Variants in CLDND2 observed in about 807,000 individuals in gnomAD.
CLDND2 encodes claudin domain containing 2.
A neutral mutation model predicts 17.7 loss-of-function variants in CLDND2; 18 were observed. The ratio of observed to expected loss-of-function variants is 1.02; its 90% confidence interval spans 0.70 to 1.51. The LOEUF (loss-of-function observed/expected upper bound fraction) is 1.51. CLDND2 is among the 40% of genes most tolerant of loss of function. CLDND2 has a pLI of 0.00. For synonymous variants in CLDND2, 113 were observed against 93.0 expected (o/e 1.22, Z -1.24); for missense variants, 233 against 219.6 (o/e 1.06, Z -0.39).
Position 51,367,445 on chromosome 19 carries a change from T to G in CLDND2, c.430+12A>C. 1 of 1,592,810 alleles carries G rather than the reference T, an allele frequency of 6.3e-7. No individual in the cohort carries two copies. The highest frequency in any genetic ancestry group is 8.6e-7 in the Non-Finnish European group (1 of 1,168,386). On this transcript the variant is annotated intron_variant, in intron 3 of 3. Transcript: ENST00000291715. The surrounding 1 kb of genome is among the most constrained non-coding windows in gnomAD (Gnocchi z 7.4). ...GCAGTCTCCTCCACCCTCTTCCCGC[T>G]GTCCAGTTTACCCGCGAGAATTGAG...
Position 51,368,563 on chromosome 19 carries a change from C to T in CLDND2, c.15G>A (p.Arg5=). 1 of 1,613,190 alleles carries T rather than the reference C, an allele frequency of 6.2e-7. No homozygotes were observed. Among genetic ancestry groups the T allele is most frequent in the Non-Finnish European group, 8.5e-7 (1 of 1,179,716 alleles). The change falls in exon 1 of 4, where the codon CGG becomes CGA. Residue 5 remains arginine (R), a synonymous_variant. Coordinates refer to ENST00000291715, the MANE Select transcript of CLDND2 (RefSeq NM_152353.3). MGVK[R]SLQSGGILLS... is the part of the protein sequence containing the mutation. ...GCAGAATGCCCCCACTCTGGAGGCT[C>T]CGCTTCACCCCCATGCCACTGAGGC...
Position 51,367,396 on chromosome 19 carries a change from G to A in CLDND2, c.430+61C>T, listed in dbSNP as rs774402412. 26 of 1,508,816 alleles carry A rather than the reference G, an allele frequency of 1.7e-5. No homozygotes were observed. Among genetic ancestry groups the A allele is most frequent in the South Asian group, 3.5e-5 (3 of 85,238 alleles). 93.5% of individuals were successfully genotyped at this position (1,508,816 alleles called of 1,614,324 possible). On this transcript the variant is annotated intron_variant, in intron 3 of 3. Transcript: ENST00000291715. This position sits in a 1 kb window ranked among gnomAD's most constrained non-coding sequence, Gnocchi z 7.4. ...GGTTTCCTGGGAGGGCAGCTGGGGAGCCTCTGGGGTGAGGGTCTTCTGGGC... is the reference window on the plus strand; with the variant it reads ...GGTTTCCTGGGAGGGCAGCTGGGGAACCTCTGGGGTGAGGGTCTTCTGGGC...
In CLDND2 at chr19:51,367,610, G is replaced by C; in HGVS notation, c.311-34C>G. 1.3e-6 allele frequency: 2 copies of C among 1,597,688 alleles called. No homozygotes were observed. The highest frequency in any genetic ancestry group is 1.7e-6 in the Non-Finnish European group (2 of 1,171,690). Reference sequence around the variant, plus strand: ...CGCCCAGCCGCAAGATGAGCTAGCTGGGCCTGGTGGGGGCTGCACCCAGGC... The same window carrying C: ...CGCCCAGCCGCAAGATGAGCTAGCTCGGCCTGGTGGGGGCTGCACCCAGGC... On this transcript the variant is annotated intron_variant, in intron 2 of 3. Coordinates refer to ENST00000291715, the MANE Select transcript of CLDND2 (RefSeq NM_152353.3). The surrounding 1 kb of genome is among the most constrained non-coding windows in gnomAD (Gnocchi z 7.4).
In CLDND2 at chr19:51,368,600, G is replaced by T. The variant is rs748368381; in HGVS notation, c.-23C>A. On this transcript the variant is annotated 5_prime_UTR_variant, in exon 1 of 4. Transcript: ENST00000291715. The stretch of plus-strand genomic sequence containing the variant: ...CATGCCACTGAGGCTGCAGCCGGGG[G>T]CCACAAGGGCAGGATGGGCCCAGGC... The T allele has an allele frequency of 6.2e-7, 1 of 1,605,846 alleles. No individual in the cohort carries two copies. The highest frequency in any genetic ancestry group is 1.7e-5 in the Admixed American group (1 of 59,456).
Position 51,368,625 on chromosome 19 carries a change from C to T in CLDND2, c.-48G>A. The stretch of plus-strand genomic sequence containing the variant: ...GCCACAAGGGCAGGATGGGCCCAGG[C>T]CTTTCCTACCCCGAGGCCCCCAGCT... On this transcript the variant is annotated 5_prime_UTR_variant, in exon 1 of 4. Coordinates refer to ENST00000291715, the MANE Select transcript of CLDND2 (RefSeq NM_152353.3). 3 of 1,544,570 alleles carry T rather than the reference C, an allele frequency of 1.9e-6. No homozygotes were observed. The highest frequency in any genetic ancestry group is 2.6e-6 in the Non-Finnish European group (3 of 1,138,462).
In CLDND2 at chr19:51,367,661, C is replaced by T. The variant is rs1026210820; in HGVS notation, c.311-85G>A. On this transcript the variant is annotated intron_variant, in intron 2 of 3. Coordinates refer to ENST00000291715, the MANE Select transcript of CLDND2 (RefSeq NM_152353.3). This position sits in a 1 kb window ranked among gnomAD's most constrained non-coding sequence, Gnocchi z 7.4. ...CACGCCCCTTCAGACCCGCCCCCTT[C>T]TATCAGACCACGCCTATCGCCTCTC... 7.1e-5 allele frequency: 109 copies of T among 1,527,652 alleles called. No homozygotes were observed. The highest frequency in any genetic ancestry group is 8.7e-5 in the Non-Finnish European group (99 of 1,136,720). 94.6% of individuals were successfully genotyped at this position (1,527,652 alleles called of 1,614,324 possible).
At position 51,367,739 on chromosome 19, in the gene CLDND2, T is replaced by C. The variant is rs1986471423; in HGVS notation, c.310+147A>G. 1 of 1,475,448 alleles carries C rather than the reference T, an allele frequency of 6.8e-7. No homozygotes were observed. Among genetic ancestry groups the C allele is most frequent in the African/African-American group, 1.4e-5 (1 of 70,894 alleles). The allele number at this position is 1,475,448 out of a possible 1,614,324, so 91.4% of individuals were successfully genotyped here. A position where few individuals can be genotyped will look rare whatever the true frequency, so the allele number is the denominator to read the frequency against. On this transcript the variant is annotated intron_variant, in intron 2 of 3. Coordinates refer to ENST00000291715, the MANE Select transcript of CLDND2 (RefSeq NM_152353.3). The surrounding 1 kb of genome is among the most constrained non-coding windows in gnomAD (Gnocchi z 7.4). ...TGCTCCTCCCGCTCTGAACTCTGTC[T>C]CGAGCCCCGCCCACCTCTCTCGGCT...
At chr19:51,368,082 C>T (rs1482021579) in intron 1 of CLDND2, 56 bp from the exon 2 acceptor site, 5 of 1,518,090 alleles carry the variant, frequency 3.3e-6, no homozygotes, top group Middle Eastern at 1.7e-4. Context: ...ACTACGGGTT[C>T]GGCCGCAACC....
rs756918706 is a variant in CLDND2, at chr19:51,367,225, C to CG, written c.431-11dup. On this transcript the variant is annotated splice_polypyrimidine_tract_variant and intron_variant, in intron 3 of 3. Coordinates refer to ENST00000291715, the MANE Select transcript of CLDND2 (RefSeq NM_152353.3). This position sits in a 1 kb window ranked among gnomAD's most constrained non-coding sequence, Gnocchi z 7.4. ...AGCAGAAAGCAGAAGCCTGGGGGGA[C>CG]GGGGGTGCGGAGCAGGGAGAGGAAG... 4.3e-6 allele frequency: 7 copies of CG among 1,613,846 alleles called. No individual in the cohort carries two copies. In the East Asian group the frequency reaches 1.6e-4, roughly 36 times the overall value.
In CLDND2 at chr19:51,367,927, G is replaced by A. The variant is rs756866627; in HGVS notation, c.269C>T (p.Ser90Leu). 1.2e-6 allele frequency: 2 copies of A among 1,612,906 alleles called. No homozygotes were observed. The highest frequency in any genetic ancestry group is 1.7e-6 in the Non-Finnish European group (2 of 1,179,754). Reference protein sequence around the residue: ...GLRIRCDEGESLRGQTTSAFL... With the variant: ...GLRIRCDEGELLRGQTTSAFL... ...GGCGCTCGTGGTCTGGCCCCGCAGC[G>A]ACTCGCCCTCGTCGCACCGAATCCG... Residue 90 changes from serine to leucine, a missense_variant, in exon 2 of 4, where the codon TCG becomes TTG. Ser to Leu is a moderately radical substitution (Grantham distance 145). Transcript: ENST00000291715. The surrounding 1 kb of genome is among the most constrained non-coding windows in gnomAD (Gnocchi z 7.4).
Position 51,367,830 on chromosome 19 carries a change from C to G in CLDND2, c.310+56G>C. On this transcript the variant is annotated intron_variant, in intron 2 of 3. Transcript: ENST00000291715. This position sits in a 1 kb window ranked among gnomAD's most constrained non-coding sequence, Gnocchi z 7.4. ...AGCCCCTCCCCTGGCGACCAGGCCCCTCCATCACCCAGGGCCCGCCCCTGC... is the reference window on the plus strand; with the variant it reads ...AGCCCCTCCCCTGGCGACCAGGCCCGTCCATCACCCAGGGCCCGCCCCTGC... The G allele has an allele frequency of 6.3e-7, 1 of 1,587,146 alleles. No homozygotes were observed. The highest frequency in any genetic ancestry group is 8.5e-7 in the Non-Finnish European group (1 of 1,171,432).
chr19:51,368,345 G>C (rs930111501), intron 1 of CLDND2, 64 bp downstream of exon 1: 1 of 1,532,426 alleles, frequency 6.5e-7, no homozygotes, highest in Non-Finnish European at 8.8e-7. Context: ...CATGGGCCCA[G>C]CTGTGTGTCC....
At position 51,367,653 on chromosome 19, in the gene CLDND2, G is replaced by GC. The variant is rs978265468; in HGVS notation, c.311-78dup. The GC allele has an allele frequency of 2.7e-5, 41 of 1,535,692 alleles. No individual in the cohort carries two copies. The highest frequency in any genetic ancestry group is 3.5e-5 in the Non-Finnish European group (40 of 1,140,540). On this transcript the variant is annotated intron_variant, in intron 2 of 3. Coordinates refer to ENST00000291715, the MANE Select transcript of CLDND2 (RefSeq NM_152353.3). This position sits in a 1 kb window ranked among gnomAD's most constrained non-coding sequence, Gnocchi z 7.4. ...ACCCAGGCCACGCCCCTTCAGACCCGCCCCCTTCTATCAGACCACGCCTAT... is the reference window on the plus strand; with the variant it reads ...ACCCAGGCCACGCCCCTTCAGACCCGCCCCCCTTCTATCAGACCACGCCTAT...
In CLDND2 at chr19:51,367,542, G is replaced by C; in HGVS notation, c.345C>G (p.Thr115=). 2 of 1,612,160 alleles carry C rather than the reference G, an allele frequency of 1.2e-6. No homozygotes were observed. The highest frequency in any genetic ancestry group is 8.5e-7 in the Non-Finnish European group (1 of 1,179,178). The change falls in exon 3 of 4, where the codon ACC becomes ACG. Residue 115 remains threonine (T), a synonymous_variant. Coordinates refer to ENST00000291715, the MANE Select transcript of CLDND2 (RefSeq NM_152353.3). This position sits in a 1 kb window ranked among gnomAD's most constrained non-coding sequence, Gnocchi z 7.4. ...CGTTGTTCTTCCACGCATTCTTCAC[G>C]GTGTAGCCTATCAAGGCGGTCAGCA... ...LLLLTALIGY[T]VKNAWKNNVF... is the part of the protein sequence containing the mutation.
chr19:51,366,853 A>G (rs1156927719), downstream of CLDND2, among the ~76,000 whole-genome samples: 1 of 150,486 alleles, frequency 6.6e-6, no homozygotes, highest in Non-Finnish European at 1.5e-5. Context: ...CCGTGTCTCT[A>G]CTTCACCTCC....
Position 51,368,617 on chromosome 19 carries a change from G to A in CLDND2, c.-40C>T, listed in dbSNP as rs1247603782. 6 of 1,580,566 alleles carry A rather than the reference G, an allele frequency of 3.8e-6. No individual in the cohort carries two copies. Among genetic ancestry groups the A allele is most frequent in the African/African-American group, 2.7e-5 (2 of 74,082 alleles). ...AGCCGGGGGCCACAAGGGCAGGATGGGCCCAGGCCTTTCCTACCCCGAGGC... is the reference window on the plus strand; with the variant it reads ...AGCCGGGGGCCACAAGGGCAGGATGAGCCCAGGCCTTTCCTACCCCGAGGC... On this transcript the variant is annotated 5_prime_UTR_variant, in exon 1 of 4. Transcript: ENST00000291715.
Position 51,367,609 on chromosome 19 carries a change from T to A in CLDND2, c.311-33A>T, listed in dbSNP as rs766192984. On this transcript the variant is annotated intron_variant, in intron 2 of 3. Coordinates refer to ENST00000291715, the MANE Select transcript of CLDND2 (RefSeq NM_152353.3). This position sits in a 1 kb window ranked among gnomAD's most constrained non-coding sequence, Gnocchi z 7.4. ...CCGCCCAGCCGCAAGATGAGCTAGC[T>A]GGGCCTGGTGGGGGCTGCACCCAGG... 2 of 1,598,628 alleles carry A rather than the reference T, an allele frequency of 1.3e-6. No homozygotes were observed. Among genetic ancestry groups the A allele is most frequent in the East Asian group, 4.5e-5 (2 of 44,394 alleles).
In CLDND2 at chr19:51,367,240, G is replaced by A. The variant is rs769848269; in HGVS notation, c.431-25C>T. ...CCTGGGGGGACGGGGGTGCGGAGCA[G>A]GGAGAGGAAGGTGGGCCCTGGGGCG... On this transcript the variant is annotated intron_variant, in intron 3 of 3. Transcript: ENST00000291715. The surrounding 1 kb of genome is among the most constrained non-coding windows in gnomAD (Gnocchi z 7.4). 6 of 1,613,108 alleles carry A rather than the reference G, an allele frequency of 3.7e-6. No individual in the cohort carries two copies. Among genetic ancestry groups the A allele is most frequent in the Non-Finnish European group, 5.1e-6 (6 of 1,179,348 alleles).
At position 51,367,510 on chromosome 19, in the gene CLDND2, A is replaced by G; in HGVS notation, c.377T>C (p.Phe126Ser). Reference sequence around the variant, plus strand: ...CCACCCAGAAAAATAGGACCAAGAGAAGAAGACGTTGTTCTTCCACGCATT... The same window carrying G: ...CCACCCAGAAAAATAGGACCAAGAGGAGAAGACGTTGTTCTTCCACGCATT... ...VKNAWKNNVF[F>S]SWSYFSGWLA... is the part of the protein sequence containing the mutation. Residue 126 changes from phenylalanine (F) to serine (S), a missense_variant, in exon 3 of 4, where the codon TTC (phenylalanine) becomes TCC (serine). Phe to Ser is a radical substitution (Grantham distance 155). Coordinates refer to ENST00000291715, the MANE Select transcript of CLDND2 (RefSeq NM_152353.3). This position sits in a 1 kb window ranked among gnomAD's most constrained non-coding sequence, Gnocchi z 7.4. 6.2e-7 allele frequency: 1 copy of G among 1,609,874 alleles called. No homozygotes were observed. The highest frequency in any genetic ancestry group is 8.5e-7 in the Non-Finnish European group (1 of 1,177,912).
Sources: allele counts gnomAD v4.1 joint callset (sites outside exome capture counted in the v4.1 genomes callset), GRCh38; gene constraint gnomAD v4.1.1; non-coding constraint Gnocchi (gnomAD v3.1); transcripts MANE v1.5; gene names NCBI Gene and HGNC (gene_info 2026-07-23, HGNC 2026-07-21).